FER1L6: variants seen among roughly 807,000 people sequenced by gnomAD.
FER1L6 encodes fer-1 like family member 6.
In FER1L6, 177 loss-of-function variants were observed where a neutral mutation model predicts 219.2. The ratio of observed to expected loss-of-function variants is 0.81; its 90% CI spans 0.71 to 0.91. The LOEUF is 0.91. FER1L6 is among the 40% of genes least tolerant of loss of function. FER1L6 has a pLI of 0.00. For missense variants in FER1L6, 2,153 were observed against 2,259.9 expected (o/e 0.95, Z 0.96); for synonymous variants, 768 against 824.3 (o/e 0.93, Z 1.17).
intron 12 of FER1L6, among the ~76,000 whole-genome samples, chr8:124,002,185 T>C (rs1817439066): frequency 6.6e-6 from 1 of 152,218 alleles, no homozygotes; most frequent in South Asian, 2.1e-4. Context: ...ACAGACTCCA[T>C]TAGTAGAAGG....
chr8:123,852,467 CATGCGTGTGTGT>C lies in FER1L6; in HGVS notation c.-8+283_-8+294del, dbSNP rs1179218777. Among the ~76,000 whole-genome samples, 3 of 115,780 alleles carry C rather than the reference CATGCGTGTGTGT, an allele frequency of 2.6e-5. No homozygotes were observed. The highest frequency in any genetic ancestry group is 1.1e-4 in the African/African-American group (3 of 28,466). 76.0% of individuals were successfully genotyped at this position (115,780 alleles called of 152,430 possible). A position where few individuals can be genotyped will look rare whatever the true frequency, so the allele number is the denominator to read the frequency against. ...TGTTGCTTGAACTCCATGTTGTGAG[CATGCGTGTGTGT>C]GTGTGTGTGTGTGTGTGTGTGTGTG... On this transcript the variant is annotated intron_variant, in intron 1 of 40. Transcript: ENST00000522917. This position sits in a 1 kb window ranked among gnomAD's most constrained non-coding sequence, Gnocchi z 4.9.
chr8:123,963,365 T>C lies in FER1L6; in HGVS notation c.164T>C (p.Ile55Thr). The C allele has an allele frequency of 6.2e-7, 1 of 1,614,190 alleles. No individual in the cohort carries two copies. The highest frequency in any genetic ancestry group is 8.5e-7 in the Non-Finnish European group (1 of 1,179,996). Reference protein sequence around the residue: ...RGDLVHDDASIFPVPSASPKR... With the variant: ...RGDLVHDDASTFPVPSASPKR... Reference sequence around the variant, plus strand: ...GATTTGGTCCATGATGATGCTTCTATCTTTCCTGTCCCCTCAGCTTCTCCA... The same window carrying C: ...GATTTGGTCCATGATGATGCTTCTACCTTTCCTGTCCCCTCAGCTTCTCCA... The change falls in exon 3 of 41, where the codon ATC becomes ACC. Residue 55 changes from isoleucine (I) to threonine (T), a missense_variant. Transcript: ENST00000522917.
At position 123,865,100 on chromosome 8, in the gene FER1L6, A is replaced by G. The variant is rs1225945959; in HGVS notation, c.-8+12915A>G. On this transcript the variant is annotated intron_variant, in intron 1 of 40. Transcript: ENST00000522917. The stretch of plus-strand genomic sequence containing the variant: ...AGTTTTTCTGTTCTGTTTTTTCCCC[A>G]TCTTTGTGGTTTTATCTACTTTTGG... Among the ~76,000 whole-genome samples, 5 of 149,166 alleles carry G rather than the reference A, an allele frequency of 3.4e-5. 1 individual carries two copies. Among genetic ancestry groups the G allele is most frequent in the African/African-American group, 5.1e-5 (2 of 39,258 alleles).
chr8:123,953,381 C>T lies in FER1L6; in HGVS notation c.-7-2611C>T, dbSNP rs893300489. 7.2e-5 allele frequency among the ~76,000 whole-genome samples: 11 copies of T among 152,196 alleles called. 1 individual carries two copies. Among genetic ancestry groups the T allele is most frequent in the Admixed American group, 7.2e-4 (11 of 15,276 alleles). Reference sequence around the variant, plus strand: ...AGACCACTGCTTCTCAACACTGGGTCTGCCGTAGAGTAATTAAAGATCTCT... The same window carrying T: ...AGACCACTGCTTCTCAACACTGGGTTTGCCGTAGAGTAATTAAAGATCTCT... On this transcript the variant is annotated intron_variant, in intron 1 of 40. Transcript: ENST00000522917.
intron 1 of FER1L6, among the ~76,000 whole-genome samples, chr8:123,927,233 A>C (rs1052379409): frequency 6.6e-6 from 1 of 152,110 alleles, no homozygotes; most frequent in Non-Finnish European, 1.5e-5. Flanking sequence ...CAGATAGCTC[A>C]ACAAGAATCA....
rs1819562174 is a variant in FER1L6, at chr8:124,042,733, A to G, written c.2589+2727A>G. Among the ~76,000 whole-genome samples, 4 of 152,294 alleles carry G rather than the reference A, an allele frequency of 2.6e-5. No individual in the cohort carries two copies. In the South Asian group the frequency reaches 8.3e-4, roughly 32 times the overall value. On this transcript the variant is annotated intron_variant, in intron 20 of 40. Transcript: ENST00000522917. The stretch of plus-strand genomic sequence containing the variant: ...AGCCGAGTGCCACTGTTCAGCTGGT[A>G]GCACTCACCTGACCACGCGGGGCTC...
intron 18 of FER1L6, among the ~76,000 whole-genome samples, chr8:124,028,225 ATTTC>A (rs1478683455): frequency 6.6e-6 from 1 of 152,144 alleles, no homozygotes; most frequent in Non-Finnish European, 1.5e-5. Flanking sequence ...GCCTTAGCTT[ATTTC>A]TTTATTTGTA....
At chr8:124,113,017 G>A (rs73332233) in intron 39 of FER1L6, among the ~76,000 whole-genome samples, 4,231 of 152,096 alleles carry the variant, frequency 0.028, 199 homozygotes, top group African/African-American at 0.097. Flanking sequence ...ATAAATTTTA[G>A]TTCCCTTTAC....
intron 12 of FER1L6, among the ~76,000 whole-genome samples, chr8:124,001,071 G>A (rs975316577): frequency 2.0e-5 from 3 of 152,130 alleles, no homozygotes; most frequent in African/African-American, 2.4e-5. Context: ...ATGGTCATAC[G>A]TGAAAAAATG....
intron 1 of FER1L6, among the ~76,000 whole-genome samples, chr8:123,919,189 G>A (rs1813284044): frequency 6.6e-6 from 1 of 152,194 alleles, no homozygotes; most frequent in South Asian, 2.1e-4. Context: ...AGAGAGTGGG[G>A]CACTGTTGTC....
intron 14 of FER1L6, among the ~76,000 whole-genome samples, chr8:124,013,229 C>A (rs1480151453): frequency 2.0e-5 from 3 of 151,956 alleles, no homozygotes; most frequent in African/African-American, 7.3e-5. Flanking sequence ...GTATGTGGAC[C>A]AATTCCACTT....
At chr8:123,908,754 T>C (rs1219841230) in intron 1 of FER1L6, among the ~76,000 whole-genome samples, 1 of 151,996 alleles carries the variant, frequency 6.6e-6, no homozygotes, top group Non-Finnish European at 1.5e-5. Context: ...AATGAACAAG[T>C]TTAGGAGGAC....
At chr8:124,020,918 A>C (rs1818428857) in intron 16 of FER1L6, among the ~76,000 whole-genome samples, 1 of 152,180 alleles carries the variant, frequency 6.6e-6, no homozygotes, top group Non-Finnish European at 1.5e-5. Context: ...ACTGCTAATA[A>C]AGACATACCC....
intron 2 of FER1L6, among the ~76,000 whole-genome samples, chr8:123,957,681 T>C (rs1815082307): frequency 6.6e-6 from 1 of 152,150 alleles, no homozygotes; most frequent in Non-Finnish European, 1.5e-5. Context: ...CTGGGTTTCC[T>C]ACCCCATGGG....
At chr8:123,932,001 A>G (rs1586480335) in intron 1 of FER1L6, among the ~76,000 whole-genome samples, 1 of 152,188 alleles carries the variant, frequency 6.6e-6, no homozygotes, top group African/African-American at 2.4e-5. Flanking sequence ...TTCTTTTTTG[A>G]ATAAGGAGAG....
chr8:124,097,949 A>C, intron 37 of FER1L6, 66 bp downstream of exon 37: 2 of 860,666 alleles, frequency 2.3e-6, no homozygotes, highest in Non-Finnish European at 4.0e-6. Flanking sequence ...ACCCTAACTA[A>C]ATCTATGCCT....
intron 1 of FER1L6, among the ~76,000 whole-genome samples, chr8:123,930,613 G>A (rs765351884): frequency 6.6e-6 from 1 of 152,064 alleles, no homozygotes; most frequent in Non-Finnish European, 1.5e-5. Context: ...GAGTGCCTGG[G>A]TTCAAATTCC....
intron 39 of FER1L6, among the ~76,000 whole-genome samples, chr8:124,115,411 G>A (rs190160798): frequency 3.6e-4 from 55 of 152,152 alleles, no homozygotes; most frequent in African/African-American, 1.3e-3. Context: ...CCCAATGCCC[G>A]ATAGATGCAT....
At position 123,853,453 on chromosome 8, in the gene FER1L6, C is replaced by T. The variant is rs979470968; in HGVS notation, c.-8+1268C>T. Among the ~76,000 whole-genome samples the T allele has an allele frequency of 6.6e-6, 1 of 152,110 alleles. No individual in the cohort carries two copies. The highest frequency in any genetic ancestry group is 2.4e-5 in the African/African-American group (1 of 41,396). Reference sequence around the variant, plus strand: ...TATAGGCGTGAGCCACCGTACCCGGCCTAAAATAGAAGAAATCATTTTTAT... The same window carrying T: ...TATAGGCGTGAGCCACCGTACCCGGTCTAAAATAGAAGAAATCATTTTTAT... On this transcript the variant is annotated intron_variant, in intron 1 of 40. Coordinates refer to ENST00000522917, the MANE Select transcript of FER1L6 (RefSeq NM_001039112.2). This position sits in a 1 kb window ranked among gnomAD's most constrained non-coding sequence, Gnocchi z 6.6.
Sources: gnomAD v4.1 joint callset for allele counts (sites outside exome capture counted in the v4.1 genomes callset) on GRCh38, gnomAD v4.1.1 for gene constraint, Gnocchi (gnomAD v3.1) non-coding constraint, MANE v1.5 for transcripts, NCBI Gene and HGNC (gene_info 2026-07-23, HGNC 2026-07-21) for gene names.